EPB41L1: variants seen among roughly 807,000 people sequenced by gnomAD.
EPB41L1 encodes band 4.1-like protein 1.
A neutral mutation model predicts 97.8 loss-of-function variants in EPB41L1; 29 were observed. The ratio of observed to expected loss-of-function variants is 0.30; its 90% confidence interval spans 0.22 to 0.40. The LOEUF (loss-of-function observed/expected upper bound fraction) is 0.40. EPB41L1 is among the 10% of genes least tolerant of loss of function. The pLI, the probability that EPB41L1 is intolerant of heterozygous loss-of-function variation, is 1.00. For missense variants in EPB41L1, 812 were observed against 1,162.3 expected (o/e 0.70, Z 4.38); for synonymous variants, 383 against 459.2 (o/e 0.83, Z 2.12).
Position 36,173,783 on chromosome 20 carries a change from AAC to A in EPB41L1, c.8_9del (p.Thr3ArgfsTer7), listed in dbSNP as rs1569203215. 1 of 1,614,108 alleles carries A rather than the reference AAC, an allele frequency of 6.2e-7. No individual in the cohort carries two copies. The highest frequency in any genetic ancestry group is 8.5e-7 in the Non-Finnish European group (1 of 1,180,004). On this transcript the variant is annotated frameshift_variant, in exon 2 of 22. Coordinates refer to ENST00000338074, the MANE Select transcript of EPB41L1 (RefSeq NM_012156.2). LOFTEE classifies it high-confidence loss of function. ...ATGCAGGCGTGCTGGTCACCATGAC[AAC>A]AGAGACAGGCCCCGACTCTGAGGTG... is the stretch of plus-strand genomic sequence containing the variant. Reference protein sequence around the residue: MTTETGPDSEVKK... With the variant: MTXETGPDSEVKK...
intron 1 of EPB41L1, among the ~76,000 whole-genome samples, chr20:36,100,289 C>T (rs1366471957): frequency 3.3e-5 from 5 of 152,224 alleles, no homozygotes; most frequent in Non-Finnish European, 7.3e-5. Flanking sequence ...CCCTCCTCTT[C>T]TCAGTTTGCT....
intron 2 of EPB41L1, among the ~76,000 whole-genome samples, chr20:36,126,945 C>T (rs1433099526): frequency 1.1e-4 from 17 of 152,220 alleles, no homozygotes; most frequent in Admixed American, 1.1e-3. Context: ...ACAGGCTTTC[C>T]CATGGCATGC....
rs1600876611 is a variant in EPB41L1 at position 36,195,979 on chromosome 20, T to C, written c.1485+615T>C. Among the ~76,000 whole-genome samples, 2 of 152,154 alleles carry C rather than the reference T, an allele frequency of 1.3e-5. No homozygotes were observed. The highest frequency in any genetic ancestry group is 2.4e-5 in the African/African-American group (1 of 41,426). ...TCCGCTATGGCAAAAACCTCCTCCT[T>C]TTCTCCTCCTTTCCTCGTCTTCTTC... is the stretch of plus-strand genomic sequence containing the variant. On this transcript the variant is annotated intron_variant, in intron 13 of 21. Transcript: ENST00000338074. The surrounding 1 kb of genome is among the most constrained non-coding windows in gnomAD (Gnocchi z 4.6).
At chr20:36,188,556 C>A in intron 9 of EPB41L1, 57 bp downstream of exon 9, 1 of 1,377,844 alleles carries the variant, frequency 7.3e-7, no homozygotes, top group Non-Finnish European at 9.6e-7. Context: ...ATGGAGTGGA[C>A]CCTGGCAGCT....
At chr20:36,124,409 A>G (rs1392382641) in intron 2 of EPB41L1, among the ~76,000 whole-genome samples, 1 of 152,150 alleles carries the variant, frequency 6.6e-6, no homozygotes, top group African/African-American at 2.4e-5. Flanking sequence ...CCTTCCAGCC[A>G]TCTATCTCTA....
At chr20:36,108,764 A>G (rs2058285519) in intron 1 of EPB41L1, among the ~76,000 whole-genome samples, 1 of 152,208 alleles carries the variant, frequency 6.6e-6, no homozygotes, top group Non-Finnish European at 1.5e-5. Context: ...ACACTATTGT[A>G]GACAGAGTTG....
rs761888628 is a variant in EPB41L1 at position 36,174,572 on chromosome 20, C to CT, written c.177+634dup. On this transcript the variant is annotated intron_variant, in intron 2 of 21. Transcript: ENST00000338074. ...ACAGGTGTGAGCCACCATGCCTGGCCTTTTTTTTTTTTTTTTAACTTTCAG... is the reference window on the plus strand; with the variant it reads ...ACAGGTGTGAGCCACCATGCCTGGCCTTTTTTTTTTTTTTTTTAACTTTCAG... 5.0e-3 allele frequency among the ~76,000 whole-genome samples: 705 copies of CT among 141,244 alleles called. 8 individuals carry two copies. Among genetic ancestry groups the CT allele is most frequent in the East Asian group, 0.047 (226 of 4,782 alleles). 92.7% of individuals were successfully genotyped at this position (141,244 alleles called of 152,430 possible). A position where few individuals can be genotyped will look rare whatever the true frequency, so the allele number is the denominator to read the frequency against.
At chr20:36,127,070 C>T (rs1430228470) in intron 2 of EPB41L1, among the ~76,000 whole-genome samples, 1 of 152,232 alleles carries the variant, frequency 6.6e-6, no homozygotes, top group African/African-American at 2.4e-5. Context: ...CCCCCGCAGA[C>T]TGGAGAGGAC....
rs1206344083 is a variant in EPB41L1 at position 36,207,839 on chromosome 20, G to A, written c.1669-1649G>A. 1.4e-5 allele frequency: 18 copies of A among 1,242,450 alleles called. No individual in the cohort carries two copies. The East Asian group carries it at 2.3e-4, about 16-fold the overall frequency. The allele number at this position is 1,242,450 out of a possible 1,614,324, so 77.0% of individuals were successfully genotyped here. On this transcript the variant is annotated intron_variant, in intron 14 of 21. Transcript: ENST00000338074. This position sits in a 1 kb window ranked among gnomAD's most constrained non-coding sequence, Gnocchi z 4.9. ...TGCTCCCCGCCCATGGGGGCTGGCC[G>A]CATGCTCTGTAGTTTTTAGAAGCAT...
Position 36,092,985 on chromosome 20 carries a change from G to A in EPB41L1, c.-65+1373G>A, listed in dbSNP as rs2057704990. On this transcript the variant is annotated intron_variant, in intron 1 of 19. Coordinates refer to the EPB41L1 transcript ENST00000202028. This position sits in a 1 kb window ranked among gnomAD's most constrained non-coding sequence, Gnocchi z 7.0. ...GCGGGCTTCGGTTCGTGTGTGTGGG[G>A]ACTGTCGCGGGTTTGTGTGTCGGGG... 1 of 152,276 alleles carries A rather than the reference G, an allele frequency of 6.6e-6. No homozygotes were observed. Among genetic ancestry groups the A allele is most frequent in the Admixed American group, 6.5e-5 (1 of 15,284 alleles). 9.4% of individuals were successfully genotyped at this position (152,276 alleles called of 1,614,324 possible).
intron 2 of EPB41L1, among the ~76,000 whole-genome samples, chr20:36,119,272 A>G (rs1285997992): frequency 6.6e-6 from 1 of 152,226 alleles, no homozygotes; most frequent in East Asian, 1.9e-4. Context: ...CTGACAGCTG[A>G]CTGGACCAGG....
At chr20:36,225,078 T>C (rs573752005) in intron 21 of EPB41L1, among the ~76,000 whole-genome samples, 2 of 152,344 alleles carry the variant, frequency 1.3e-5, no homozygotes, top group East Asian at 3.9e-4. Context: ...CGACTCGGCC[T>C]CCCAAAGTGC....
At chr20:36,152,612 T>C (rs998671419), upstream of EPB41L1, 1 of 213,522 alleles carries the variant, frequency 4.7e-6, no homozygotes, top group Non-Finnish European at 9.6e-6. Flanking sequence ...ATCAAAATAC[T>C]TGAAGGCAGG....
intron 6 of EPB41L1, among the ~76,000 whole-genome samples, chr20:36,184,200 A>T (rs1298401261): frequency 6.6e-6 from 1 of 152,114 alleles, no homozygotes; most frequent in Non-Finnish European, 1.5e-5. Context: ...GTGCCACTGC[A>T]CTCCAGCCTG....
rs2063175880 is a variant in EPB41L1 at position 36,212,251 on chromosome 20, T to C, written c.2080-21T>C. 4 of 1,611,456 alleles carry C rather than the reference T, an allele frequency of 2.5e-6. No homozygotes were observed. The highest frequency in any genetic ancestry group is 3.4e-6 in the Non-Finnish European group (4 of 1,177,678). On this transcript the variant is annotated intron_variant, in intron 15 of 21. Coordinates refer to ENST00000338074, the MANE Select transcript of EPB41L1 (RefSeq NM_012156.2). This position sits in a 1 kb window ranked among gnomAD's most constrained non-coding sequence, Gnocchi z 4.8. ...ATGCTAGGGTTTCAGTTACAGAGCA[T>C]TCTCCCTCCTTTTCCTACAGCCCGT...
chr20:36,192,036 A>G (rs950747835), intron 11 of EPB41L1, among the ~76,000 whole-genome samples: 4 of 151,950 alleles, frequency 2.6e-5, no homozygotes, highest in Non-Finnish European at 5.9e-5. Context: ...GACCAGCCTG[A>G]CCAATATGAT....
At chr20:36,211,691 T>C (rs1470198536) in intron 15 of EPB41L1, among the ~76,000 whole-genome samples, 2 of 152,070 alleles carry the variant, frequency 1.3e-5, no homozygotes, top group African/African-American at 4.8e-5. Flanking sequence ...CCGTCTCTAC[T>C]AAAAATACAA....
intron 17 of EPB41L1, among the ~76,000 whole-genome samples, chr20:36,216,318 C>T (rs1308919265): frequency 6.6e-6 from 1 of 152,038 alleles, no homozygotes; most frequent in Non-Finnish European, 1.5e-5. Context: ...GTGCAAAGGG[C>T]AGAAGGGAAG....
chr20:36,191,296 G>A (rs1040423622), intron 11 of EPB41L1, among the ~76,000 whole-genome samples: 3 of 152,090 alleles, frequency 2.0e-5, no homozygotes, highest in Non-Finnish European at 4.4e-5. Context: ...CCAGGGCATC[G>A]TTCTTGGTCA....
Sources: allele counts gnomAD v4.1 joint callset (sites outside exome capture counted in the v4.1 genomes callset), GRCh38; gene constraint gnomAD v4.1.1; non-coding constraint Gnocchi (gnomAD v3.1); transcripts MANE v1.5; gene names NCBI Gene and HGNC (gene_info 2026-07-23, HGNC 2026-07-21).